The following RGSL1 variants were observed in gnomAD, a reference collection of about 807,000 sequenced individuals.
RGSL1 encodes regulator of G protein signaling like 1, also known as regulator of G protein signaling protein-like.
A neutral mutation model predicts 124.7 loss-of-function variants in RGSL1; 97 were observed. The observed-to-expected ratio is 0.78, with a 90% CI of 0.66 to 0.92. RGSL1 has a LOEUF of 0.92. Among genes scored for constraint, RGSL1 ranks in the 40% least tolerant of loss-of-function variants. The pLI is 0.00. For missense variants in RGSL1, 1,233 were observed against 1,288.4 expected (o/e 0.96, Z 0.66); for synonymous variants, 424 against 438.1 (o/e 0.97, Z 0.40).
At chr1:182,530,538 T>TACACACACACACACACAC (rs34247322) in intron 12 of RGSL1, among the ~76,000 whole-genome samples, 177 bp downstream of exon 12, 19 of 149,134 alleles carry the variant, frequency 1.3e-4, no homozygotes, top group African/African-American at 4.4e-4. Flanking sequence ...CACACACACA[T>TACACACACACACACACAC]ACACACACAC....
At chr1:182,486,162 G>A (rs1397298578) in intron 6 of RGSL1, among the ~76,000 whole-genome samples, 1 of 151,846 alleles carries the variant, frequency 6.6e-6, no homozygotes, top group Admixed American at 6.6e-5. Flanking sequence ...CTATTATAGG[G>A]TTTTTAGATG....
Position 182,556,124 on chromosome 1 carries a change from C to T in RGSL1, c.*67C>T. 5 of 1,459,792 alleles carry T rather than the reference C, an allele frequency of 3.4e-6. No homozygotes were observed. Among genetic ancestry groups the T allele is most frequent in the Middle Eastern group, 1.7e-4 (1 of 5,768 alleles). The allele number at this position is 1,459,792 out of a possible 1,614,324, so 90.4% of individuals were successfully genotyped here. A position where few individuals can be genotyped will look rare whatever the true frequency, so the allele number is the denominator to read the frequency against. ...CCTCCTAACACTGACAGAAACTTTT[C>T]TGGTCAAAAATGAAAGGTCCTGGTA... On this transcript the variant is annotated 3_prime_UTR_variant, in exon 21 of 22. Coordinates refer to ENST00000294854, the MANE Select transcript of RGSL1 (RefSeq NM_001137669.2).
intron 3 of RGSL1, 99 bp from the exon 4 acceptor site, chr1:182,459,905 C>T: frequency 7.1e-7 from 1 of 1,406,838 alleles, no homozygotes; most frequent in Non-Finnish European, 9.6e-7. Flanking sequence ...TGGCCAGACA[C>T]TGCAAGTGTG....
intron 18 of RGSL1, 120 bp downstream of exon 18, chr1:182,551,329 G>A: frequency 1.3e-6 from 1 of 758,854 alleles, no homozygotes; most frequent in Admixed American, 2.5e-5. Context: ...AGCCGGGACA[G>A]CTCATTTACT....
chr1:182,537,388 G>A (rs1021993514), intron 14 of RGSL1, among the ~76,000 whole-genome samples: 1 of 152,132 alleles, frequency 6.6e-6, no homozygotes, highest in Non-Finnish European at 1.5e-5. Context: ...TTGTGTATAT[G>A]CACATATTCC....
chr1:182,459,930 C>T, intron 3 of RGSL1, 74 bp from the exon 4 acceptor site: 5 of 1,504,646 alleles, frequency 3.3e-6, no homozygotes, highest in Non-Finnish European at 4.5e-6. Context: ...GATTAGTTGC[C>T]ACTTACTAAG....
Position 182,473,710 on chromosome 1 carries a change from T to C in RGSL1, c.599T>C (p.Met200Thr). ...CCCAACTTTTACACCCACACCAAGA[T>C]GACCATGGCCAAGGAGGAAGCATGC... The part of the protein sequence containing the change: ...WLPNFYTHTK[M>T]TMAKEEACHG... Residue 200 changes from methionine (M) to threonine (T), a missense_variant, in exon 6 of 22, where the codon ATG (methionine) becomes ACG (threonine). Coordinates refer to ENST00000294854, the MANE Select transcript of RGSL1 (RefSeq NM_001137669.2). 6.4e-7 allele frequency: 1 copy of C among 1,551,714 alleles called. No homozygotes were observed. Among genetic ancestry groups the C allele is most frequent in the South Asian group, 1.2e-5 (1 of 84,066 alleles).
In RGSL1 at chr1:182,527,696, A is replaced by T. The variant is rs1658852969; in HGVS notation, c.2049A>T (p.Ile683=). The T allele has an allele frequency of 4.5e-6, 7 of 1,551,372 alleles. No homozygotes were observed. Among genetic ancestry groups the T allele is most frequent in the Non-Finnish European group, 5.2e-6 (6 of 1,146,704 alleles). Residue 683 remains isoleucine, a synonymous_variant, in exon 11 of 22, where the codon ATA becomes ATT. Transcript: ENST00000294854. Reference sequence around the variant, plus strand: ...TCACAGCTGTACAGAAGATCAGTATAGAGACCAATGAAAAGATTTGCAAGT... The same window carrying T: ...TCACAGCTGTACAGAAGATCAGTATTGAGACCAATGAAAAGATTTGCAAGT... ...QFLTAVQKIS[I]ETNEKICKSL...
intron 11 of RGSL1, 135 bp downstream of exon 11, chr1:182,527,907 C>A: frequency 1.6e-6 from 1 of 641,328 alleles, no homozygotes; most frequent in Non-Finnish European, 2.6e-6. Flanking sequence ...AATATTGAGA[C>A]AGATTAAGAG....
chr1:182,540,460 A>G, intron 15 of RGSL1, 39 bp downstream of exon 15: 1 of 1,528,280 alleles, frequency 6.5e-7, no homozygotes, highest in East Asian at 2.5e-5. Flanking sequence ...CCTGAAAATG[A>G]CTTTTCATCC....
Position 182,527,648 on chromosome 1 carries a change from G to A in RGSL1, c.2001G>A (p.Lys667=), listed in dbSNP as rs1330225151. The change falls in exon 11 of 22, where the codon AAG becomes AAA. Residue 667 remains lysine (K), a synonymous_variant. Coordinates refer to ENST00000294854, the MANE Select transcript of RGSL1 (RefSeq NM_001137669.2). ...EFFREFLKER[K]AKIPLQFLTA... is the part of the protein sequence containing the mutation. ...TCAGGGAGTTCCTCAAGGAACGGAA[G>A]GCTAAAATCCCATTGCAATTTCTCA... The A allele has an allele frequency of 6.4e-7, 1 of 1,551,712 alleles. No homozygotes were observed. The highest frequency in any genetic ancestry group is 8.7e-7 in the Non-Finnish European group (1 of 1,146,874).
chr1:182,491,973 C>T (rs1466245726), intron 8 of RGSL1, among the ~76,000 whole-genome samples: 4 of 152,122 alleles, frequency 2.6e-5, no homozygotes, highest in Non-Finnish European at 4.4e-5. Context: ...AAAAGGTATT[C>T]CCTCTCAATT....
At chr1:182,518,612 A>C (rs531726404) in intron 9 of RGSL1, among the ~76,000 whole-genome samples, 1 of 152,140 alleles carries the variant, frequency 6.6e-6, no homozygotes, top group Admixed American at 6.5e-5. Flanking sequence ...CTGCCAGAAA[A>C]CCCAAGATGG....
At chr1:182,541,254 C>G (rs564017420) in intron 15 of RGSL1, among the ~76,000 whole-genome samples, 9 of 152,236 alleles carry the variant, frequency 5.9e-5, no homozygotes, top group African/African-American at 2.2e-4. Context: ...CACCCCCTAC[C>G]CTTCCCAGCT....
At chr1:182,515,916 G>A (rs1197015203) in intron 9 of RGSL1, among the ~76,000 whole-genome samples, 1 of 152,230 alleles carries the variant, frequency 6.6e-6, no homozygotes, top group Non-Finnish European at 1.5e-5. Flanking sequence ...ACCTCTGATG[G>A]CTGGGCCAAA....
chr1:182,509,697 A>ACGGC (rs1657208841), intron 9 of RGSL1, among the ~76,000 whole-genome samples: 2 of 113,380 alleles, frequency 1.8e-5, no homozygotes, highest in African/African-American at 6.8e-5. Flanking sequence ...CCCGGACGGC[A>ACGGC]CGGCTGGCCG....
chr1:182,460,630 G>A (rs1351296650), intron 4 of RGSL1: 1 of 455,984 alleles, frequency 2.2e-6, no homozygotes, highest in South Asian at 1.5e-5. Flanking sequence ...ATAGAAGCCA[G>A]AGTGAGCCTC....
intron 6 of RGSL1, among the ~76,000 whole-genome samples, chr1:182,487,968 G>T (rs1393611875): frequency 6.6e-6 from 1 of 152,198 alleles, no homozygotes; most frequent in Non-Finnish European, 1.5e-5. Context: ...GAGAAAAAAT[G>T]AGATATTACT....
intron 4 of RGSL1, among the ~76,000 whole-genome samples, chr1:182,469,840 G>C (rs1056825801): frequency 6.6e-6 from 1 of 152,028 alleles, no homozygotes; most frequent in Non-Finnish European, 1.5e-5. Context: ...GCCATAAAAA[G>C]GAAATTATGA....
Sources: allele counts gnomAD v4.1 joint callset (sites outside exome capture counted in the v4.1 genomes callset), GRCh38; gene constraint gnomAD v4.1.1; transcripts MANE v1.5; gene names NCBI Gene and HGNC (gene_info 2026-07-23, HGNC 2026-07-21).